The following ZNF469 variants were observed in gnomAD, a reference collection of about 807,000 sequenced individuals.
ZNF469 encodes zinc finger protein 469.
Under a neutral mutation model 1.0 loss-of-function variants are expected in ZNF469, and 1 was observed. The ratio of observed to expected loss-of-function variants is 1.00; its 90% CI spans 0.35 to 4.73. The LOEUF is 4.73. ZNF469 is among the 30% of genes most tolerant of loss of function. The pLI is 0.16. For synonymous variants in ZNF469, 2,703 were observed against 2,363.4 expected (o/e 1.14, Z -4.17); for missense variants, 6,100 against 5,356.3 (o/e 1.14, Z -4.33).
At chr16:88,185,801 G>A in the ZNF469 span, among the ~76,000 whole-genome samples, 1,021 of 142,002 alleles carry the variant, frequency 7.2e-3, 11 homozygotes, top group African/African-American at 0.026. Context: ...TATAGTACTC[G>A]CACACACACG....
the ZNF469 span, among the ~76,000 whole-genome samples, chr16:88,190,898 C>T: frequency 2.6e-5 from 4 of 152,148 alleles, no homozygotes; most frequent in African/African-American, 7.2e-5. Context: ...CAGGAGTGTC[C>T]GGAGGGAGCC....
Position 88,428,608 on chromosome 16 carries a change from C to T in ZNF469, c.1138C>T (p.Leu380Phe), listed in dbSNP as rs1404721297. The change falls in exon 3 of 3, where the codon CTT (leucine) becomes TTT (phenylalanine). Residue 380 changes from leucine to phenylalanine, a missense_variant. Leu to Phe is a conservative substitution (Grantham distance 22). Coordinates refer to ENST00000565624, the MANE Select transcript of ZNF469 (RefSeq NM_001367624.2). The stretch of plus-strand genomic sequence containing the variant: ...TTTACACAAGAGCCTGACCAAAATC[C>T]TTCCCGAAAGACCACCTTCAGCCCA... ...DSLHKSLTKI[L>F]PERPPSAQDG... 1 of 1,550,146 alleles carries T rather than the reference C, an allele frequency of 6.5e-7. No individual in the cohort carries two copies. Among genetic ancestry groups the T allele is most frequent in the Non-Finnish European group, 8.7e-7 (1 of 1,146,904 alleles).
chr16:88,288,012 A>G, the ZNF469 span, among the ~76,000 whole-genome samples: 3 of 152,108 alleles, frequency 2.0e-5, no homozygotes, highest in Middle Eastern at 3.2e-3. Flanking sequence ...CTCCAGTTGT[A>G]TAAATCTCCT....
At chr16:88,225,670 C>T in the ZNF469 span, among the ~76,000 whole-genome samples, 4 of 152,066 alleles carry the variant, frequency 2.6e-5, no homozygotes, top group East Asian at 1.9e-4. Context: ...GGTGTGGCCT[C>T]GTGGGTGGGA....
At position 88,429,634 on chromosome 16, in the gene ZNF469, G is replaced by T. The variant is rs989136489; in HGVS notation, c.2164G>T (p.Ala722Ser). ...YPTHHFSLSS[A>S]SLDQLDVLLT... The stretch of plus-strand genomic sequence containing the variant: ...CACACACCACTTCTCCCTCAGCAGC[G>T]CCAGCCTGGACCAGCTGGACGTGCT... Residue 722 changes from alanine to serine, a missense_variant, in exon 3 of 3, where the codon GCC (alanine) becomes TCC (serine). Transcript: ENST00000565624. 6.5e-6 allele frequency: 10 copies of T among 1,544,404 alleles called. No individual in the cohort carries two copies. The Admixed American group carries it at 1.2e-4, about 18-fold the overall frequency.
At position 88,428,401 on chromosome 16, in the gene ZNF469, G is replaced by A. The variant is rs930833316; in HGVS notation, c.931G>A (p.Gly311Arg). Reference protein sequence around the residue: ...PLVFAFHQPQGAWPEEAVGTG... With the variant: ...PLVFAFHQPQRAWPEEAVGTG... ...GGTGTTTGCCTTCCATCAGCCCCAG[G>A]GAGCGTGGCCGGAGGAGGCCGTGGG... Residue 311 changes from glycine (G) to arginine (R), a missense_variant, in exon 3 of 3, where the codon GGA (glycine) becomes AGA (arginine). Coordinates refer to ENST00000565624, the MANE Select transcript of ZNF469 (RefSeq NM_001367624.2). The A allele has an allele frequency of 5.2e-6, 8 of 1,548,446 alleles. No individual in the cohort carries two copies. Among genetic ancestry groups the A allele is most frequent in the South Asian group, 1.2e-5 (1 of 84,062 alleles).
intron 1 of ZNF469, among the ~76,000 whole-genome samples, chr16:88,403,488 A>T (rs1904940869): frequency 2.2e-5 from 3 of 138,856 alleles, no homozygotes; most frequent in Non-Finnish European, 4.8e-5. Context: ...GCAGCTGCTG[A>T]AACACAGGGC....
chr16:88,256,714 A>G, the ZNF469 span, among the ~76,000 whole-genome samples: 2 of 152,016 alleles, frequency 1.3e-5, no homozygotes, highest in African/African-American at 4.8e-5. Flanking sequence ...CTCGCCCAGC[A>G]TTTGGTGTTG....
intron 1 of ZNF469, among the ~76,000 whole-genome samples, chr16:88,393,109 G>A (rs148238484): frequency 6.0e-4 from 92 of 152,406 alleles, no homozygotes; most frequent in African/African-American, 2.1e-3. Flanking sequence ...AGCTGACCTC[G>A]TGGGCACCAC....
At chr16:88,130,598 C>A in the ZNF469 span, among the ~76,000 whole-genome samples, 344 of 150,624 alleles carry the variant, frequency 2.3e-3, no homozygotes, top group African/African-American at 8.0e-3. Context: ...CCCAGCTACT[C>A]GGGAGGCTGA....
intron 1 of ZNF469, among the ~76,000 whole-genome samples, chr16:88,423,991 A>G (rs957987800): frequency 6.6e-6 from 1 of 152,250 alleles, no homozygotes; most frequent in African/African-American, 2.4e-5. Context: ...GTGTGGCCAT[A>G]TTTTAAAACC....
chr16:88,376,391 G>C, the ZNF469 span, among the ~76,000 whole-genome samples: 4 of 152,226 alleles, frequency 2.6e-5, no homozygotes, highest in Non-Finnish European at 5.9e-5. Context: ...GGGGTGAGAG[G>C]GGGAGGGAAG....
the ZNF469 span, among the ~76,000 whole-genome samples, chr16:88,224,454 T>C: frequency 6.6e-6 from 1 of 152,240 alleles, no homozygotes; most frequent in Non-Finnish European, 1.5e-5. Context: ...AAGGGCCTTC[T>C]TTCTGTTTCA....
chr16:88,233,538 G>A, the ZNF469 span, among the ~76,000 whole-genome samples: 1 of 152,244 alleles, frequency 6.6e-6, no homozygotes, highest in African/African-American at 2.4e-5. Flanking sequence ...GGAGGTTTCT[G>A]CGGGAGGGAA....
intron 1 of ZNF469, among the ~76,000 whole-genome samples, chr16:88,386,062 CA>C (rs1567497421): frequency 6.6e-6 from 1 of 152,198 alleles, no homozygotes; most frequent in East Asian, 1.9e-4. Context: ...CGGTGAGGCA[CA>C]AGCGGCCCGG....
At chr16:88,116,954 T>TGC in the ZNF469 span, among the ~76,000 whole-genome samples, 1 of 46,410 alleles carries the variant, frequency 2.2e-5, no homozygotes, top group African/African-American at 7.5e-5. Flanking sequence ...AGTGCATGCG[T>TGC]GCACACACAC....
chr16:88,393,461 C>A (rs1904545574), intron 1 of ZNF469, among the ~76,000 whole-genome samples: 5 of 152,196 alleles, frequency 3.3e-5, no homozygotes, highest in Admixed American at 2.6e-4. Flanking sequence ...ATTAGAGTCT[C>A]CAGAGGGCAC....
intron 1 of ZNF469, among the ~76,000 whole-genome samples, chr16:88,393,307 G>A (rs1014135743): frequency 3.3e-5 from 5 of 152,256 alleles, no homozygotes; most frequent in African/African-American, 7.2e-5. Context: ...CCCAGGGCCC[G>A]CGGCATCCGA....
chr16:88,374,112 T>C, the ZNF469 span, among the ~76,000 whole-genome samples: 4 of 152,122 alleles, frequency 2.6e-5, no homozygotes, highest in Admixed American at 2.0e-4. Context: ...CCATCACAGA[T>C]GCACATAGCC....
Sources: gnomAD v4.1 joint callset for allele counts (sites outside exome capture counted in the v4.1 genomes callset) on GRCh38, gnomAD v4.1.1 for gene constraint, MANE v1.5 for transcripts, NCBI Gene and HGNC (gene_info 2026-07-23, HGNC 2026-07-21) for gene names.